Variants in EXT1 observed in about 807,000 individuals in gnomAD.
EXT1 encodes exostosin-1.
EXT1 carries 20 observed loss-of-function variants against 82.5 expected under a neutral mutation model. That is an observed-to-expected ratio of 0.24 (90% confidence interval 0.17 to 0.35). The LOEUF is 0.35. Among genes scored for constraint, EXT1 ranks in the 10% least tolerant of loss-of-function variants. The pLI is 1.00. For synonymous variants in EXT1, 348 were observed against 350.8 expected (o/e 0.99, Z 0.09); for missense variants, 757 against 936.5 (o/e 0.81, Z 2.50).
chr8:117,807,534 A>G (rs532581554), intron 8 of EXT1, among the ~76,000 whole-genome samples, 157 bp from the exon 9 acceptor site: 89 of 152,320 alleles, frequency 5.8e-4, no homozygotes, highest in Non-Finnish European at 1.1e-3. Flanking sequence ...ACTGCTTGAC[A>G]TTTTGCCCCA....
At chr8:117,974,332 G>C (rs112303351) in intron 1 of EXT1, among the ~76,000 whole-genome samples, 22 of 152,260 alleles carry the variant, frequency 1.4e-4, no homozygotes, top group Non-Finnish European at 2.8e-4. Context: ...CCGACTCTCT[G>C]GGATCCCCCT....
At chr8:118,083,716 G>A (rs1334904102) in intron 1 of EXT1, among the ~76,000 whole-genome samples, 2 of 152,086 alleles carry the variant, frequency 1.3e-5, no homozygotes, top group African/African-American at 4.8e-5. Context: ...CCAAGCTATT[G>A]GTCAATGGGT....
intron 1 of EXT1, among the ~76,000 whole-genome samples, chr8:117,864,949 T>C (rs186355897): frequency 6.6e-6 from 1 of 152,176 alleles, no homozygotes; most frequent in East Asian, 1.9e-4. Flanking sequence ...AAGTAGAAGC[T>C]GTTTTTTTTT....
chr8:117,809,153 G>GTGTATGTATGTA (rs956156843), intron 8 of EXT1, among the ~76,000 whole-genome samples: 2 of 147,700 alleles, frequency 1.4e-5, no homozygotes, highest in African/African-American at 5.0e-5. Flanking sequence ...CTCTCTCTCA[G>GTGTATGTATGTA]TGTATGTATG....
Position 117,968,568 on chromosome 8 carries a change from T to A in EXT1, c.963-131367A>T, listed in dbSNP as rs1563616046. Among the ~76,000 whole-genome samples the A allele has an allele frequency of 9.6e-4, 14 of 14,602 alleles. 3 individuals carry two copies. Among genetic ancestry groups the A allele is most frequent in the African/African-American group, 3.6e-3 (4 of 1,120 alleles). The allele number at this position is 14,602 out of a possible 152,430, so 9.6% of individuals were successfully genotyped here. A position where few individuals can be genotyped will look rare whatever the true frequency, so the allele number is the denominator to read the frequency against. On this transcript the variant is annotated intron_variant, in intron 1 of 10. Transcript: ENST00000378204. Reference sequence around the variant, plus strand: ...TTATTTATTTATTTTTTTTTTTTTTTTTTTTTTTTTTTTTTTTTTGAGACG... The same window carrying A: ...TTATTTATTTATTTTTTTTTTTTTTATTTTTTTTTTTTTTTTTTTGAGACG...
chr8:117,984,093 C>T (rs761506909), intron 1 of EXT1, among the ~76,000 whole-genome samples: 16 of 152,224 alleles, frequency 1.1e-4, no homozygotes, highest in Non-Finnish European at 1.5e-4. Context: ...CAGGGAAAGA[C>T]AAATGACAAC....
intron 1 of EXT1, among the ~76,000 whole-genome samples, chr8:118,036,192 C>T (rs1034992822): frequency 6.6e-6 from 1 of 152,072 alleles, no homozygotes; most frequent in African/African-American, 2.4e-5. Context: ...ACAGATATCC[C>T]CCTGGGTACC....
intron 1 of EXT1, among the ~76,000 whole-genome samples, chr8:118,017,167 T>A (rs992109579): frequency 6.6e-6 from 1 of 152,188 alleles, no homozygotes; most frequent in Admixed American, 6.5e-5. Context: ...AATCTGAATC[T>A]GATCACCATA....
chr8:117,973,984 A>G (rs982981108), intron 1 of EXT1, among the ~76,000 whole-genome samples: 3 of 151,360 alleles, frequency 2.0e-5, no homozygotes, highest in Non-Finnish European at 2.9e-5. Context: ...GAAGGAAGGA[A>G]GGAAATAAAT....
chr8:117,938,710 G>T lies in EXT1; in HGVS notation c.963-101509C>A, dbSNP rs945042544. On this transcript the variant is annotated intron_variant, in intron 1 of 10. Coordinates refer to ENST00000378204, the MANE Select transcript of EXT1 (RefSeq NM_000127.3). ...ATGAGCAGTTATTTTTCTTTACAAT[G>T]GTAAAAAGGAGTGTGCCAATCTCTA... 2.0e-5 allele frequency among the ~76,000 whole-genome samples: 3 copies of T among 152,170 alleles called. No homozygotes were observed. In the East Asian group the frequency reaches 5.8e-4, roughly 29 times the overall value.
intron 1 of EXT1, among the ~76,000 whole-genome samples, chr8:117,973,082 T>C (rs988337767): frequency 2.0e-5 from 3 of 152,152 alleles, no homozygotes; most frequent in Admixed American, 2.0e-4. Context: ...ACACAAACCA[T>C]GTAGTATTTT....
chr8:118,072,877 T>TA (rs747853112), intron 1 of EXT1, among the ~76,000 whole-genome samples: 1 of 152,222 alleles, frequency 6.6e-6, no homozygotes, highest in Non-Finnish European at 1.5e-5. Context: ...AGGGACTTAC[T>TA]AATGGGTTAC....
intron 1 of EXT1, among the ~76,000 whole-genome samples, chr8:117,887,811 C>A (rs1207202775): frequency 6.6e-6 from 1 of 151,470 alleles, no homozygotes; most frequent in Non-Finnish European, 1.5e-5. Context: ...TCGGGCCTGG[C>A]ACGGTGACTC....
intron 1 of EXT1, among the ~76,000 whole-genome samples, chr8:118,014,787 G>C (rs1563630068): frequency 6.6e-6 from 1 of 152,036 alleles, no homozygotes; most frequent in Non-Finnish European, 1.5e-5. Context: ...ACCCGTTCAA[G>C]TTTGGGTACC....
intron 1 of EXT1, among the ~76,000 whole-genome samples, chr8:117,862,710 G>A (rs17452847): frequency 0.17 from 24,309 of 145,008 alleles, 4,897 homozygotes; most frequent in East Asian, 0.38. Flanking sequence ...AGTCACCTGT[G>A]GCTACAAATC....
intron 1 of EXT1, among the ~76,000 whole-genome samples, chr8:118,081,220 T>C (rs1422909018): frequency 6.6e-6 from 1 of 152,198 alleles, no homozygotes; most frequent in African/African-American, 2.4e-5. Flanking sequence ...CCCCAAGCCT[T>C]GAAGTTCTCA....
At chr8:117,951,622 G>A (rs998184767) in intron 1 of EXT1, among the ~76,000 whole-genome samples, 2 of 152,130 alleles carry the variant, frequency 1.3e-5, no homozygotes, top group South Asian at 2.1e-4. Flanking sequence ...ATAGACAAAT[G>A]ACTATATACA....
chr8:117,971,825 C>T (rs1440425761), intron 1 of EXT1, among the ~76,000 whole-genome samples: 2 of 152,052 alleles, frequency 1.3e-5, no homozygotes, highest in Admixed American at 6.6e-5. Context: ...TAGTTATATG[C>T]CAATGCATTC....
At chr8:117,955,193 C>T (rs1226051125) in intron 1 of EXT1, among the ~76,000 whole-genome samples, 4 of 152,184 alleles carry the variant, frequency 2.6e-5, no homozygotes, top group African/African-American at 4.8e-5. Flanking sequence ...TCGGGGTGCA[C>T]CATCCTCCCG....
Sources: gnomAD v4.1 joint callset for allele counts (sites outside exome capture counted in the v4.1 genomes callset) on GRCh38, gnomAD v4.1.1 for gene constraint, MANE v1.5 for transcripts, NCBI Gene and HGNC (gene_info 2026-07-23, HGNC 2026-07-21) for gene names.